DCAF17: variants seen among roughly 807,000 people sequenced by gnomAD.
The protein encoded by DCAF17 is DDB1- and CUL4-associated factor 17.
In DCAF17, 48 loss-of-function variants were observed where a neutral mutation model predicts 66.0. That is an observed-to-expected ratio of 0.73 (90% CI 0.58 to 0.92). DCAF17 has a LOEUF of 0.92. Among genes scored for constraint, DCAF17 ranks in the 40% least tolerant of loss-of-function variants. The pLI is 0.00. For synonymous variants in DCAF17, 206 were observed against 214.6 expected (o/e 0.96, Z 0.35); for missense variants, 562 against 622.8 (o/e 0.90, Z 1.04).
Position 171,484,576 on chromosome 2 carries a change from G to C in DCAF17, c.*3462G>C, listed in dbSNP as rs928367307. 3 of 451,982 alleles carry C rather than the reference G, an allele frequency of 6.6e-6. No homozygotes were observed. Among genetic ancestry groups the C allele is most frequent in the African/African-American group, 6.0e-5 (3 of 49,816 alleles). The allele number at this position is 451,982 out of a possible 1,614,324, so 28.0% of individuals were successfully genotyped here. A position where few individuals can be genotyped will look rare whatever the true frequency, so the allele number is the denominator to read the frequency against. ...TTAACTAGAGTTTAGTATTTATTTA[G>C]TTTTTAAATTTTTTTGATTTAAGAT... is the stretch of plus-strand genomic sequence containing the variant. On this transcript the variant is annotated 3_prime_UTR_variant, in exon 14 of 14. Transcript: ENST00000375255.
chr2:171,482,967 G>A lies in DCAF17; in HGVS notation c.*1853G>A, dbSNP rs573985993. 145 of 454,092 alleles carry A rather than the reference G, an allele frequency of 3.2e-4. No individual in the cohort carries two copies. In the Middle Eastern group the frequency reaches 3.5e-3, roughly 11 times the overall value. 28.1% of individuals were successfully genotyped at this position (454,092 alleles called of 1,614,324 possible). Reference sequence around the variant, plus strand: ...AAGACAGTAAGGAGTTGTGGGCAGTGTAACAAACAGGAGAGCTATGCCCCA... The same window carrying A: ...AAGACAGTAAGGAGTTGTGGGCAGTATAACAAACAGGAGAGCTATGCCCCA... On this transcript the variant is annotated 3_prime_UTR_variant, in exon 14 of 14. Transcript: ENST00000375255.
rs199742600 is a variant in DCAF17 at position 171,458,431 on chromosome 2, T to C, written c.792T>C (p.Thr264=). ...CACRWGGTTG[T]VGEAPFGIPC... ...GCAGATGGGGTGGGACTACTGGAAC[T>C]GTAGGAGAGGCTCCTTTTGGCATTC... Residue 264 remains threonine (T), a synonymous_variant, in exon 8 of 14, where the codon ACT becomes ACC. Coordinates refer to ENST00000375255, the MANE Select transcript of DCAF17 (RefSeq NM_025000.4). The C allele has an allele frequency of 2.4e-4, 380 of 1,614,144 alleles. No individual in the cohort carries two copies. Among genetic ancestry groups the C allele is most frequent in the African/African-American group, 1.6e-3 (119 of 75,072 alleles).
intron 2 of DCAF17, among the ~76,000 whole-genome samples, chr2:171,442,563 C>CAAAAA (rs1176443561): frequency 1.5e-4 from 9 of 60,548 alleles, no homozygotes; most frequent in South Asian, 5.7e-4. Flanking sequence ...GACTCCATCT[C>CAAAAA]AAAAAAAAAA....
At chr2:171,464,923 C>T (rs1371296777) in intron 8 of DCAF17, among the ~76,000 whole-genome samples, 2 of 151,926 alleles carry the variant, frequency 1.3e-5, no homozygotes, top group African/African-American at 2.4e-5. Flanking sequence ...GGGCCAGGTG[C>T]GGTGGCTCAC....
intron 3 of DCAF17, among the ~76,000 whole-genome samples, chr2:171,445,565 A>G (rs1386653840): frequency 3.9e-5 from 6 of 152,234 alleles, no homozygotes; most frequent in Admixed American, 2.0e-4. Context: ...ATCTTTTCCA[A>G]GACTCTGTGT....
chr2:171,458,005 A>G lies in DCAF17; in HGVS notation c.662A>G (p.His221Arg), dbSNP rs1434442558. The change falls in exon 7 of 14, where the codon CAT (histidine) becomes CGT (arginine). Residue 221 changes from histidine (H) to arginine (R), a missense_variant. By Grantham distance (29) the His-to-Arg change is conservative. Transcript: ENST00000375255. ...AACGTTACAGATGCTACCTTGTCTCATGGAATACTGATTGTGATGTACAGC... is the reference window on the plus strand; with the variant it reads ...AACGTTACAGATGCTACCTTGTCTCGTGGAATACTGATTGTGATGTACAGC... ...FGNVTDATLSHGILIVMYSSG... is the reference protein window; with the variant it reads ...FGNVTDATLSRGILIVMYSSG... The G allele has an allele frequency of 1.9e-6, 3 of 1,614,024 alleles. No homozygotes were observed. Among genetic ancestry groups the G allele is most frequent in the Non-Finnish European group, 2.5e-6 (3 of 1,179,956 alleles).
chr2:171,443,663 A>G, intron 3 of DCAF17, 50 bp downstream of exon 3: 1 of 1,466,516 alleles, frequency 6.8e-7, no homozygotes, highest in Non-Finnish European at 9.5e-7. Flanking sequence ...TTAGCCTAGA[A>G]GAACCAGTTA....
At position 171,468,919 on chromosome 2, in the gene DCAF17, C is replaced by T; in HGVS notation, c.870C>T (p.Ser290=). 1.9e-6 allele frequency: 3 copies of T among 1,614,092 alleles called. No individual in the cohort carries two copies. The highest frequency in any genetic ancestry group is 2.5e-6 in the Non-Finnish European group (3 of 1,180,006). ...DMPPLLFEVS[S]LENAFQIGGH... Reference sequence around the variant, plus strand: ...CACCACTGCTCTTTGAGGTGTCATCCCTGGAGAATGCTTTTCAGATTGGAG... The same window carrying T: ...CACCACTGCTCTTTGAGGTGTCATCTCTGGAGAATGCTTTTCAGATTGGAG... The change falls in exon 9 of 14, where the codon TCC becomes TCT. Residue 290 remains serine, a synonymous_variant. Coordinates refer to ENST00000375255, the MANE Select transcript of DCAF17 (RefSeq NM_025000.4).
At chr2:171,435,532 TTTGGAAGTAC>T (rs1380220182) in intron 2 of DCAF17, among the ~76,000 whole-genome samples, 9 of 150,078 alleles carry the variant, frequency 6.0e-5, no homozygotes, top group Non-Finnish European at 1.0e-4. Flanking sequence ...TGGATTGTGT[TTTGGAAGTAC>T]TTGCCTTTTT....
At chr2:171,461,948 A>G (rs1032920169) in intron 8 of DCAF17, among the ~76,000 whole-genome samples, 3 of 152,154 alleles carry the variant, frequency 2.0e-5, no homozygotes, top group Non-Finnish European at 2.9e-5. Flanking sequence ...CACTCAGGAT[A>G]TTATATTTGA....
intron 9 of DCAF17, among the ~76,000 whole-genome samples, chr2:171,471,005 G>A (rs546491870): frequency 6.6e-6 from 1 of 152,292 alleles, no homozygotes; most frequent in Admixed American, 6.5e-5. Flanking sequence ...TATTTGTGAG[G>A]GGTCCTGGAA....
intron 10 of DCAF17, chr2:171,474,243 C>G: frequency 2.2e-6 from 1 of 463,766 alleles, no homozygotes; most frequent in South Asian, 2.2e-5. Flanking sequence ...CTCATCAGGT[C>G]TTAGTTAATT....
At chr2:171,449,761 A>G (rs1477409355) in intron 4 of DCAF17, 118 bp from the exon 5 acceptor site, 1 of 650,052 alleles carries the variant, frequency 1.5e-6, no homozygotes, top group Admixed American at 3.3e-5. Flanking sequence ...AAAATAGATC[A>G]CTTTGCTTTT....
At chr2:171,437,046 T>A (rs2105719412) in intron 2 of DCAF17, among the ~76,000 whole-genome samples, 1 of 152,290 alleles carries the variant, frequency 6.6e-6, no homozygotes, top group East Asian at 1.9e-4. Context: ...AGTGCTGGGA[T>A]TACAGGCATG....
chr2:171,464,417 A>C (rs1574377462), intron 8 of DCAF17, among the ~76,000 whole-genome samples: 1 of 152,204 alleles, frequency 6.6e-6, no homozygotes, highest in Non-Finnish European at 1.5e-5. Context: ...TTGTGGCAGC[A>C]TAACTCCAAA....
At chr2:171,445,975 G>A (rs925261586) in intron 3 of DCAF17, among the ~76,000 whole-genome samples, 53 of 152,118 alleles carry the variant, frequency 3.5e-4, no homozygotes, top group Admixed American at 1.2e-3. Context: ...GAGTCACCAC[G>A]CTCAGCCAAA....
At chr2:171,461,432 GAAAGAAAA>G (rs1695581271) in intron 8 of DCAF17, among the ~76,000 whole-genome samples, 1 of 150,316 alleles carries the variant, frequency 6.7e-6, no homozygotes, top group South Asian at 2.1e-4. Context: ...GTCTCAAAAG[GAAAGAAAA>G]AAAGAAAAAA....
At chr2:171,441,445 C>G (rs1176230449) in intron 2 of DCAF17, among the ~76,000 whole-genome samples, 1 of 152,168 alleles carries the variant, frequency 6.6e-6, no homozygotes, top group Non-Finnish European at 1.5e-5. Flanking sequence ...CCTCAGTATC[C>G]TCAGCTGTGC....
chr2:171,468,672 A>T (rs772988219), intron 8 of DCAF17, among the ~76,000 whole-genome samples: 1 of 152,184 alleles, frequency 6.6e-6, no homozygotes, highest in South Asian at 2.1e-4. Context: ...ACAGATACCT[A>T]GAAAGTTGAT....
Sources: allele counts gnomAD v4.1 joint callset (sites outside exome capture counted in the v4.1 genomes callset), GRCh38; gene constraint gnomAD v4.1.1; transcripts MANE v1.5; gene names NCBI Gene and HGNC (gene_info 2026-07-23, HGNC 2026-07-21).